The following TESK2 variants were observed in gnomAD, a reference collection of about 807,000 sequenced individuals.
The protein encoded by TESK2 is dual specificity testis-specific protein kinase 2.
TESK2 carries 39 observed loss-of-function variants against 57.1 expected under a neutral mutation model. The observed-to-expected ratio is 0.68, with a 90% CI of 0.53 to 0.89. The LOEUF is 0.89. Among genes scored for constraint, TESK2 ranks in the 40% least tolerant of loss-of-function variants. The pLI is 0.00. For missense variants in TESK2, 646 were observed against 732.1 expected (o/e 0.88, Z 1.36); for synonymous variants, 249 against 267.9 (o/e 0.93, Z 0.69).
intron 4 of TESK2, among the ~76,000 whole-genome samples, chr1:45,384,088 T>C (rs1037871617): frequency 6.6e-5 from 10 of 152,300 alleles, no homozygotes; most frequent in Middle Eastern, 3.4e-3. Flanking sequence ...TGCCAGGCAC[T>C]GTACTAAATA....
At chr1:45,371,925 AGTT>A (rs1304212937) in intron 4 of TESK2, among the ~76,000 whole-genome samples, 3 of 151,828 alleles carry the variant, frequency 2.0e-5, no homozygotes, top group Non-Finnish European at 4.4e-5. Flanking sequence ...AGAAATGAGT[AGTT>A]GTTGTTTAAT....
intron 3 of TESK2, among the ~76,000 whole-genome samples, chr1:45,388,300 A>G (rs988321922): frequency 6.6e-6 from 1 of 152,244 alleles, no homozygotes; most frequent in Non-Finnish European, 1.5e-5. Flanking sequence ...AGCCTCTTTT[A>G]GAAAGACTGC....
intron 3 of TESK2, among the ~76,000 whole-genome samples, chr1:45,397,002 A>G (rs1649398270): frequency 6.6e-6 from 1 of 150,888 alleles, no homozygotes; most frequent in South Asian, 2.1e-4. Flanking sequence ...TATTTTTATT[A>G]GAGACAGCAT....
chr1:45,375,631 C>T (rs1480870298), intron 4 of TESK2, among the ~76,000 whole-genome samples: 2 of 152,140 alleles, frequency 1.3e-5, no homozygotes, highest in East Asian at 1.9e-4. Flanking sequence ...GGTACAGTGG[C>T]TCATGCCTGT....
intron 5 of TESK2, 36 bp from the exon 6 acceptor site, chr1:45,348,036 C>A: frequency 7.0e-7 from 1 of 1,423,794 alleles, no homozygotes; most frequent in Non-Finnish European, 9.9e-7. Flanking sequence ...AATAATGTGG[C>A]TCAGAAGCGG....
chr1:45,464,204 T>C (rs1420905576), intron 1 of TESK2, among the ~76,000 whole-genome samples: 1 of 152,176 alleles, frequency 6.6e-6, no homozygotes, highest in Non-Finnish European at 1.5e-5. Context: ...CTCTTCAATT[T>C]CTTTCATCAA....
At chr1:45,462,085 C>G (rs2149301421) in intron 1 of TESK2, among the ~76,000 whole-genome samples, 1 of 152,188 alleles carries the variant, frequency 6.6e-6, no homozygotes. Flanking sequence ...CTCAACACCC[C>G]CAACACACTA....
At chr1:45,474,679 G>C (rs1338291205) in intron 1 of TESK2, among the ~76,000 whole-genome samples, 1 of 151,118 alleles carries the variant, frequency 6.6e-6, no homozygotes, top group Non-Finnish European at 1.5e-5. Flanking sequence ...CACCATGTTG[G>C]TCAGGCTAGT....
intron 3 of TESK2, among the ~76,000 whole-genome samples, chr1:45,409,586 A>G (rs1649964175): frequency 6.6e-6 from 1 of 152,250 alleles, no homozygotes; most frequent in Admixed American, 6.5e-5. Context: ...TTAAAATTCA[A>G]TCTGGCTATT....
Position 45,424,703 on chromosome 1 carries a change from A to G in TESK2, c.223-2857T>C, listed in dbSNP as rs111869608. ...TTTTAACAAAATGGCAAAACCCATG[A>G]AAAGATCATTCATCCTGACCAACCG... On this transcript the variant is annotated intron_variant, in intron 2 of 10. Transcript: ENST00000372086. Among the ~76,000 whole-genome samples the G allele has an allele frequency of 1.3e-3, 205 of 152,352 alleles. 1 individual carries two copies. The highest frequency in any genetic ancestry group is 4.8e-3 in the African/African-American group (200 of 41,572).
chr1:45,430,843 G>A lies in TESK2; in HGVS notation c.223-8997C>T, dbSNP rs80263414. Among the ~76,000 whole-genome samples the A allele has an allele frequency of 6.2e-4, 94 of 152,182 alleles. No homozygotes were observed. The East Asian group carries it at 0.013, about 21-fold the overall frequency. ...CCTCACTTGCTACTAATATATGGACGGACAGAAATAGAGGTTGCGTTATAT... is the reference window on the plus strand; with the variant it reads ...CCTCACTTGCTACTAATATATGGACAGACAGAAATAGAGGTTGCGTTATAT... On this transcript the variant is annotated intron_variant, in intron 2 of 10. Transcript: ENST00000372086.
intron 1 of TESK2, among the ~76,000 whole-genome samples, chr1:45,472,954 G>A (rs577514757): frequency 1.6e-4 from 24 of 149,200 alleles, no homozygotes; most frequent in African/African-American, 4.4e-4. Context: ...TGGGTAATAC[G>A]GTGAAACCCT....
intron 2 of TESK2, among the ~76,000 whole-genome samples, chr1:45,433,522 G>A (rs905477339): frequency 6.6e-6 from 1 of 152,082 alleles, no homozygotes; most frequent in Non-Finnish European, 1.5e-5. Context: ...ACATATAAGT[G>A]AGAACTTGCA....
At position 45,347,665 on chromosome 1, in the gene TESK2, C is replaced by T; in HGVS notation, c.652G>A (p.Gly218Ser). The T allele has an allele frequency of 6.2e-7, 1 of 1,614,140 alleles. No homozygotes were observed. The highest frequency in any genetic ancestry group is 8.5e-7 in the Non-Finnish European group (1 of 1,180,026). The change falls in exon 7 of 11, where the codon GGT (glycine) becomes AGT (serine). Residue 218 changes from glycine (G) to serine (S), a missense_variant. Physicochemically the swap from Gly to Ser is moderately conservative, Grantham distance 56 (BLOSUM62 0). Transcript: ENST00000372086. Reference protein sequence around the residue: ...SMGSEKLAVVGSPFWMAPEVL... With the variant: ...SMGSEKLAVVSSPFWMAPEVL... ...TCAGGTGCCATCCAGAATGGGGAAC[C>T]CACCACGGCCAGCTTCTCACTCCCC... is the stretch of plus-strand genomic sequence containing the variant.
intron 1 of TESK2, among the ~76,000 whole-genome samples, chr1:45,469,752 C>G (rs75773386): frequency 6.6e-6 from 1 of 152,188 alleles, no homozygotes; most frequent in Non-Finnish European, 1.5e-5. Context: ...TTTAAACAGG[C>G]TTTCTAAAGA....
intron 3 of TESK2, among the ~76,000 whole-genome samples, chr1:45,392,634 G>A (rs1649193653): frequency 6.6e-6 from 1 of 152,124 alleles, no homozygotes. Flanking sequence ...CCAGGAGGTG[G>A]AGGTTGTGGT....
chr1:45,457,656 G>C lies in TESK2; in HGVS notation c.130C>G (p.Arg44Gly), dbSNP rs1181730045. 2 of 1,614,062 alleles carry C rather than the reference G, an allele frequency of 1.2e-6. No individual in the cohort carries two copies. Among genetic ancestry groups the C allele is most frequent in the South Asian group, 2.2e-5 (2 of 91,072 alleles). The change falls in exon 2 of 11, where the codon CGA becomes GGA. Residue 44 changes from arginine to glycine, a missense_variant. Transcript: ENST00000372086. ...QVGRVWPSSY[R>G]ALISAFSRLT... ...CTGGAAAAGGCACTTATAAGAGCTC[G>C]ATACGAAGATGGCCAAACTCTTCCC...
chr1:45,426,251 A>G (rs1650684438), intron 2 of TESK2, among the ~76,000 whole-genome samples: 1 of 152,226 alleles, frequency 6.6e-6, no homozygotes, highest in African/African-American at 2.4e-5. Flanking sequence ...GCATAAAAAC[A>G]GAAACATAGA....
chr1:45,410,512 G>A (rs1442033772), intron 3 of TESK2, among the ~76,000 whole-genome samples: 1 of 151,996 alleles, frequency 6.6e-6, no homozygotes, highest in East Asian at 1.9e-4. Flanking sequence ...GGCTGAGGCA[G>A]GAGAATCACT....
Sources: allele counts gnomAD v4.1 joint callset (sites outside exome capture counted in the v4.1 genomes callset), GRCh38; gene constraint gnomAD v4.1.1; transcripts MANE v1.5; gene names NCBI Gene and HGNC (gene_info 2026-07-23, HGNC 2026-07-21).